The following ACAD11 variants were observed in gnomAD, a reference collection of about 807,000 sequenced individuals.
The protein encoded by ACAD11 is acyl-Coenzyme A dehydrogenase family, member 11.
A neutral mutation model predicts 102.2 loss-of-function variants in ACAD11; 83 were observed. The ratio of observed to expected loss-of-function variants is 0.81; its 90% confidence interval spans 0.68 to 0.97. The LOEUF (loss-of-function observed/expected upper bound fraction) is 0.97. Among genes scored for constraint, ACAD11 ranks in the 50% least tolerant of loss-of-function variants. ACAD11 has a pLI of 0.00. For synonymous variants in ACAD11, 324 were observed against 319.8 expected, an observed-to-expected ratio of 1.01 and a Z score of -0.14; for missense variants, 901 against 951.7, an observed-to-expected ratio of 0.95 and a Z score of 0.70.
intron 17 of ACAD11, among the ~76,000 whole-genome samples, chr3:132,573,125 C>T (rs553208927): frequency 1.1e-4 from 16 of 152,216 alleles, no homozygotes; most frequent in Non-Finnish European, 2.2e-4. Context: ...TTCCCCTCCC[C>T]ATGTCCATGT....
intron 1 of ACAD11, among the ~76,000 whole-genome samples, chr3:132,648,955 A>G (rs1165059418): frequency 6.6e-6 from 1 of 152,252 alleles, no homozygotes; most frequent in East Asian, 1.9e-4. Flanking sequence ...CATGTGTTGT[A>G]TGGAATCAAG....
rs1481325279 is a variant in ACAD11, at chr3:132,575,891, G to A, written c.1882C>T (p.Leu628Phe). ...CAGTGGTGGATTCTGCCAGGTCCAA[G>A]GCGGCCTTGGGAAATTTCAAATCCC... is the stretch of plus-strand genomic sequence containing the variant. Reference protein sequence around the residue: ...GRGFEISQGRLGPGRIHHCMR... With the variant: ...GRGFEISQGRFGPGRIHHCMR... The change falls in exon 17 of 20, where the codon CTT becomes TTT. Residue 628 changes from leucine to phenylalanine, a missense_variant. Coordinates refer to ENST00000264990, the MANE Select transcript of ACAD11 (RefSeq NM_032169.5). 6.2e-7 allele frequency: 1 copy of A among 1,613,908 alleles called. No individual in the cohort carries two copies. The highest frequency in any genetic ancestry group is 1.3e-5 in the African/African-American group (1 of 74,886).
intron 1 of ACAD11, among the ~76,000 whole-genome samples, chr3:132,654,967 A>G (rs1191670191): frequency 6.6e-6 from 1 of 152,244 alleles, no homozygotes; most frequent in Non-Finnish European, 1.5e-5. Flanking sequence ...AAACCTGTGC[A>G]GCATGTGACT....
chr3:132,632,115 G>A (rs1015619112), intron 5 of ACAD11, among the ~76,000 whole-genome samples: 5 of 147,840 alleles, frequency 3.4e-5, no homozygotes, highest in Non-Finnish European at 7.4e-5. Context: ...ACGGAGTCTC[G>A]CTCTGTCTCC....
At chr3:132,610,383 T>C (rs1939080430) in intron 11 of ACAD11, among the ~76,000 whole-genome samples, 1 of 151,886 alleles carries the variant, frequency 6.6e-6, no homozygotes, top group South Asian at 2.1e-4. Flanking sequence ...AGAGCAGAAC[T>C]GAAGGAAATA....
chr3:132,659,406 T>C lies in ACAD11; in HGVS notation c.149+197A>G, dbSNP rs866466314. 5.6e-5 allele frequency: 36 copies of C among 646,384 alleles called. 1 individual carries two copies. The Middle Eastern group carries it at 1.5e-3, about 27-fold the overall frequency. 40.0% of individuals were successfully genotyped at this position (646,384 alleles called of 1,614,324 possible). A position where few individuals can be genotyped will look rare whatever the true frequency, so the allele number is the denominator to read the frequency against. On this transcript the variant is annotated intron_variant, in intron 1 of 19. Transcript: ENST00000264990. The stretch of plus-strand genomic sequence containing the variant: ...ATGGTGAACGTTATTGCGCTTCCAT[T>C]ACCGCCCTCCAATTGGGAAGCCCCC...
At chr3:132,623,787 T>C (rs1278860085) in intron 9 of ACAD11, among the ~76,000 whole-genome samples, 1 of 152,138 alleles carries the variant, frequency 6.6e-6, no homozygotes, top group Non-Finnish European at 1.5e-5. Context: ...TGTGCTGCAG[T>C]TTCTCTTATA....
chr3:132,561,741 T>C (rs554213196), intron 17 of ACAD11, among the ~76,000 whole-genome samples: 1 of 152,316 alleles, frequency 6.6e-6, no homozygotes, highest in South Asian at 2.1e-4. Context: ...TTATAATACA[T>C]GTATAGATTG....
chr3:132,623,394 T>C (rs986574943), intron 9 of ACAD11, among the ~76,000 whole-genome samples: 1 of 152,202 alleles, frequency 6.6e-6, no homozygotes, highest in Non-Finnish European at 1.5e-5. Flanking sequence ...GAAAAAGCTA[T>C]TTACTTTTCT....
In ACAD11 at chr3:132,594,626, G is replaced by A. The variant is rs558253624; in HGVS notation, c.1621+8603C>T. Among the ~76,000 whole-genome samples the A allele has an allele frequency of 4.6e-5, 7 of 152,216 alleles. No homozygotes were observed. The South Asian group carries it at 1.5e-3, about 32-fold the overall frequency. Reference sequence around the variant, plus strand: ...GTACCAACAATACAGTGAAAAGACTGGTATATCTGATCTAATCTGAAAGAG... The same window carrying A: ...GTACCAACAATACAGTGAAAAGACTAGTATATCTGATCTAATCTGAAAGAG... On this transcript the variant is annotated intron_variant, in intron 13 of 19. Coordinates refer to ENST00000264990, the MANE Select transcript of ACAD11 (RefSeq NM_032169.5).
At chr3:132,592,398 G>A (rs1376257966) in intron 13 of ACAD11, among the ~76,000 whole-genome samples, 1 of 152,078 alleles carries the variant, frequency 6.6e-6, no homozygotes, top group African/African-American at 2.4e-5. Flanking sequence ...GAAAACAGAT[G>A]GCTTAGATAA....
intron 13 of ACAD11, among the ~76,000 whole-genome samples, chr3:132,581,695 T>A (rs550534804): frequency 1.3e-5 from 2 of 152,110 alleles, no homozygotes; most frequent in African/African-American, 2.4e-5. Context: ...GGTCCAAATA[T>A]AAAATAATGT....
At chr3:132,577,274 A>G (rs1449436026) in intron 15 of ACAD11, among the ~76,000 whole-genome samples, 4 of 151,602 alleles carry the variant, frequency 2.6e-5, no homozygotes, top group African/African-American at 9.8e-5. Context: ...GAGAGCTAGG[A>G]AAAAGGAAGA....
intron 17 of ACAD11, among the ~76,000 whole-genome samples, chr3:132,571,007 T>C (rs1937360425): frequency 6.6e-6 from 1 of 152,220 alleles, no homozygotes; most frequent in Non-Finnish European, 1.5e-5. Flanking sequence ...ATGACTTATA[T>C]ACCTTTGCGT....
chr3:132,574,641 A>C (rs952317041), intron 17 of ACAD11, among the ~76,000 whole-genome samples: 2 of 152,216 alleles, frequency 1.3e-5, no homozygotes, highest in African/African-American at 4.8e-5. Context: ...GCAAACACAA[A>C]TACAATTCCA....
intron 5 of ACAD11, among the ~76,000 whole-genome samples, chr3:132,632,107 G>A (rs866103740): frequency 1.3e-5 from 2 of 148,418 alleles, no homozygotes; most frequent in African/African-American, 2.5e-5. Context: ...TTTTTGAGAC[G>A]GAGTCTCGCT....
intron 13 of ACAD11, among the ~76,000 whole-genome samples, chr3:132,602,561 A>G (rs1034126274): frequency 2.0e-5 from 3 of 152,154 alleles, no homozygotes; most frequent in Non-Finnish European, 4.4e-5. Flanking sequence ...ATCTTTTTTA[A>G]AAAAATTTGC....
intron 13 of ACAD11, among the ~76,000 whole-genome samples, chr3:132,581,215 A>G (rs1383921482): frequency 6.6e-6 from 1 of 152,020 alleles, no homozygotes; most frequent in African/African-American, 2.4e-5. Context: ...CAGGGATGCT[A>G]GATGAAAATG....
intron 1 of ACAD11, among the ~76,000 whole-genome samples, chr3:132,657,114 A>G: frequency 6.6e-6 from 1 of 152,168 alleles, no homozygotes; most frequent in East Asian, 1.9e-4. Context: ...ACATCTTCCA[A>G]ACATTTATAG....
Sources: allele counts gnomAD v4.1 joint callset (sites outside exome capture counted in the v4.1 genomes callset), GRCh38; gene constraint gnomAD v4.1.1; transcripts MANE v1.5; gene names NCBI Gene and HGNC (gene_info 2026-07-23, HGNC 2026-07-21).